WDFY4: variants seen among roughly 807,000 people sequenced by gnomAD.
WDFY4 encodes the protein WDFY family member 4, also known as WD repeat- and FYVE domain-containing protein 4.
WDFY4 carries 169 observed loss-of-function variants against 351.9 expected under a neutral mutation model. The ratio of observed to expected loss-of-function variants is 0.48; its 90% confidence interval spans 0.42 to 0.55. WDFY4 has a LOEUF of 0.55. Ranked by LOEUF, WDFY4 falls within the 20% of genes least tolerant of loss-of-function variation. The probability of loss-of-function intolerance (pLI) is 0.00; values close to 1 mark genes in which losing one functional copy is unlikely to be tolerated. For synonymous variants in WDFY4, 1,622 were observed against 1,574.6 expected (o/e 1.03, Z -0.71); for missense variants, 3,803 against 3,935.6 (o/e 0.97, Z 0.90).
chr10:48,817,400 A>G lies in WDFY4; in HGVS notation c.5496A>G (p.Gly1832=). Residue 1832 remains glycine (G), a synonymous_variant, in exon 32 of 62, where the codon GGA becomes GGG. Coordinates refer to ENST00000325239, the MANE Select transcript of WDFY4 (RefSeq NM_001394531.1). ...QTLAIAAFPL[G]AQKGVGAEST... ...TGGCCATAGCCGCCTTCCCCCTGGG[A>G]GCCCAAAAGGTAGGACATGCTGCTG... 5 of 1,550,318 alleles carry G rather than the reference A, an allele frequency of 3.2e-6. No homozygotes were observed. The highest frequency in any genetic ancestry group is 4.4e-6 in the Non-Finnish European group (5 of 1,146,026).
intron 47 of WDFY4, chr10:48,910,212 T>G (rs1589855442): frequency 6.3e-7 from 1 of 1,589,226 alleles, no homozygotes; most frequent in East Asian, 2.2e-5. Flanking sequence ...AGCTGAGTAG[T>G]CTTCAAGATT....
chr10:48,795,990 G>A (rs968414321), intron 23 of WDFY4, among the ~76,000 whole-genome samples: 2 of 152,072 alleles, frequency 1.3e-5, no homozygotes, highest in African/African-American at 4.8e-5. Flanking sequence ...GGATGGTTAC[G>A]CATGTAAAGG....
intron 35 of WDFY4, chr10:48,823,561 C>A: frequency 9.3e-7 from 1 of 1,069,682 alleles, no homozygotes; most frequent in Non-Finnish European, 1.1e-6. Context: ...CCTGGAAAGA[C>A]TTGAATTCAA....
intron 53 of WDFY4, among the ~76,000 whole-genome samples, 181 bp from the exon 54 acceptor site, chr10:48,963,661 G>T (rs2131806354): frequency 6.6e-6 from 1 of 152,288 alleles, no homozygotes; most frequent in Admixed American, 6.5e-5. Context: ...GACAGGACTA[G>T]GGTGGCCCTC....
intron 32 of WDFY4, among the ~76,000 whole-genome samples, chr10:48,819,010 C>T (rs1265360051): frequency 6.6e-6 from 1 of 152,200 alleles, no homozygotes; most frequent in Non-Finnish European, 1.5e-5. Context: ...CCAGCTCAGC[C>T]CCCATGCCCA....
chr10:48,709,058 C>T (rs952925453), intron 1 of WDFY4, among the ~76,000 whole-genome samples: 10 of 149,906 alleles, frequency 6.7e-5, no homozygotes, highest in Admixed American at 2.0e-4. Flanking sequence ...TTCAACTTGA[C>T]GTCTAGCTGC....
chr10:48,811,152 T>C (rs546969955), intron 29 of WDFY4, among the ~76,000 whole-genome samples: 1 of 152,348 alleles, frequency 6.6e-6, no homozygotes, highest in South Asian at 2.1e-4. Context: ...ATTTTTCTCT[T>C]TAGTGCTTCA....
intron 26 of WDFY4, 25 bp from the exon 27 acceptor site, chr10:48,805,979 T>TGTC (rs1565219672): frequency 6.4e-7 from 1 of 1,550,404 alleles, no homozygotes; most frequent in Middle Eastern, 1.7e-4. Context: ...CCTGCGAGCC[T>TGTC]GTCCTTCTCT....
At chr10:48,857,087 T>C (rs542855089) in intron 39 of WDFY4, among the ~76,000 whole-genome samples, 82 of 152,354 alleles carry the variant, frequency 5.4e-4, no homozygotes, top group African/African-American at 1.6e-3. Context: ...TGTAATTTTG[T>C]CTGCCAGTCA....
intron 25 of WDFY4, 57 bp downstream of exon 25, chr10:48,803,416 G>C (rs2067149673): frequency 6.6e-7 from 1 of 1,524,464 alleles, no homozygotes; most frequent in South Asian, 1.2e-5. Flanking sequence ...GTCCAGAACA[G>C]AGACAGGGCA....
intron 51 of WDFY4, among the ~76,000 whole-genome samples, chr10:48,951,813 G>A (rs1002871756): frequency 6.6e-6 from 1 of 152,148 alleles, no homozygotes; most frequent in East Asian, 1.9e-4. Flanking sequence ...TCCAGTAAAA[G>A]CACCAGTTGC....
At chr10:48,955,524 C>A (rs973575013) in intron 51 of WDFY4, among the ~76,000 whole-genome samples, 1 of 152,242 alleles carries the variant, frequency 6.6e-6, no homozygotes, top group Non-Finnish European at 1.5e-5. Flanking sequence ...AGGGATTCCC[C>A]AGGAATCTGG....
In WDFY4 at chr10:48,877,019, T is replaced by C; in HGVS notation, c.7001-14T>C. ...GCTCCTGTCAACACCACGTGTCCCT[T>C]TATGCTGCTGCAGATGAACTGACAC... On this transcript the variant is annotated splice_polypyrimidine_tract_variant and intron_variant, in intron 42 of 61. Transcript: ENST00000325239. 1 of 1,467,164 alleles carries C rather than the reference T, an allele frequency of 6.8e-7. No individual in the cohort carries two copies. The highest frequency in any genetic ancestry group is 9.0e-7 in the Non-Finnish European group (1 of 1,106,716). The allele number at this position is 1,467,164 out of a possible 1,614,324, so 90.9% of individuals were successfully genotyped here.
At chr10:48,922,566 G>C (rs373860986) in intron 47 of WDFY4, among the ~76,000 whole-genome samples, 2 of 152,070 alleles carry the variant, frequency 1.3e-5, no homozygotes, top group Admixed American at 6.6e-5. Context: ...ATCTCTTACG[G>C]TGCCTAACTC....
chr10:48,790,761 C>T lies in WDFY4; in HGVS notation c.4101C>T (p.Ser1367=), dbSNP rs1249006723. ...TATTCCACTCCAGCCCTGCTGCCAG[C>T]AGCCTGGACTTCATTGGCGGGCCTG... ...VRVFHSSPAA[S]SLDFIGGPAI... Residue 1367 remains serine, a synonymous_variant, in exon 23 of 62, where the codon AGC becomes AGT. Coordinates refer to ENST00000325239, the MANE Select transcript of WDFY4 (RefSeq NM_001394531.1). 1.3e-6 allele frequency: 2 copies of T among 1,551,918 alleles called. No homozygotes were observed. Among genetic ancestry groups the T allele is most frequent in the Non-Finnish European group, 1.7e-6 (2 of 1,147,034 alleles).
intron 35 of WDFY4, among the ~76,000 whole-genome samples, chr10:48,826,196 C>G (rs75221511): frequency 6.6e-6 from 1 of 152,124 alleles, no homozygotes; most frequent in African/African-American, 2.4e-5. Flanking sequence ...CTCCCAGCAC[C>G]ATTTATTAAA....
At position 48,943,548 on chromosome 10, in the gene WDFY4, G is replaced by A. The variant is rs748861710; in HGVS notation, c.7749+99G>A. ...TGCAGAGCCTCTGCTAGGAGGTTCC[G>A]TCACATGAACCTGGGTACCTGGGCC... On this transcript the variant is annotated intron_variant, in intron 49 of 61. Transcript: ENST00000325239. The A allele has an allele frequency of 3.6e-4, 465 of 1,305,020 alleles. 1 individual carries two copies. Among genetic ancestry groups the A allele is most frequent in the Admixed American group, 7.9e-4 (28 of 35,276 alleles). The allele number at this position is 1,305,020 out of a possible 1,614,324, so 80.8% of individuals were successfully genotyped here.
intron 47 of WDFY4, among the ~76,000 whole-genome samples, chr10:48,906,136 T>A (rs901191988): frequency 1.3e-5 from 2 of 152,236 alleles, no homozygotes; most frequent in Non-Finnish European, 1.5e-5. Flanking sequence ...AGCTGCTTGT[T>A]AGTCACTCTA....
intron 30 of WDFY4, among the ~76,000 whole-genome samples, chr10:48,813,265 A>G: frequency 6.6e-6 from 1 of 152,348 alleles, no homozygotes; most frequent in East Asian, 1.9e-4. Flanking sequence ...TAATTGACAA[A>G]TCTAAATATT....
Sources: allele counts gnomAD v4.1 joint callset (sites outside exome capture counted in the v4.1 genomes callset), GRCh38; gene constraint gnomAD v4.1.1; transcripts MANE v1.5; gene names NCBI Gene and HGNC (gene_info 2026-07-23, HGNC 2026-07-21).